Variants in TAF4B observed in about 807,000 individuals in gnomAD.
TAF4B encodes transcription initiation factor TFIID subunit 4B.
In TAF4B, 38 loss-of-function variants were observed where a neutral mutation model predicts 86.4. The ratio of observed to expected loss-of-function variants is 0.44; its 90% CI spans 0.34 to 0.58. The LOEUF (loss-of-function observed/expected upper bound fraction) is 0.58. Among genes scored for constraint, TAF4B ranks in the 20% least tolerant of loss-of-function variants. The pLI is 0.02. For synonymous variants in TAF4B, 388 were observed against 391.2 expected (o/e 0.99, Z 0.10); for missense variants, 988 against 1,027.6 (o/e 0.96, Z 0.53).
intron 9 of TAF4B, among the ~76,000 whole-genome samples, chr18:26,309,607 T>G (rs992978003): frequency 1.3e-5 from 2 of 152,150 alleles, no homozygotes; most frequent in Non-Finnish European, 1.5e-5. Flanking sequence ...AATTTTGATA[T>G]GTTAATTTTT....
intron 1 of TAF4B, among the ~76,000 whole-genome samples, chr18:26,229,556 G>C (rs1243263087): frequency 6.9e-6 from 1 of 145,426 alleles, no homozygotes; most frequent in Middle Eastern, 3.6e-3. Flanking sequence ...AGGCTGGGGT[G>C]CAGTGGCATA....
intron 1 of TAF4B, among the ~76,000 whole-genome samples, chr18:26,262,161 T>C (rs777142509): frequency 3.3e-5 from 5 of 150,070 alleles, no homozygotes; most frequent in Non-Finnish European, 7.4e-5. Flanking sequence ...AACCCTAAGA[T>C]GCACCTGTCT....
At chr18:26,308,223 C>T (rs2056816429) in intron 9 of TAF4B, among the ~76,000 whole-genome samples, 2 of 152,092 alleles carry the variant, frequency 1.3e-5, no homozygotes, top group African/African-American at 4.8e-5. Context: ...CGCTGCACTC[C>T]AGCCTGGGTG....
At chr18:26,287,550 GT>G (rs1195065667) in intron 7 of TAF4B, among the ~76,000 whole-genome samples, 1 of 152,172 alleles carries the variant, frequency 6.6e-6, no homozygotes, top group Admixed American at 6.5e-5. Flanking sequence ...TGAAAGTATT[GT>G]TAACTCATGG....
At chr18:26,289,442 T>A (rs1039173476) in intron 7 of TAF4B, among the ~76,000 whole-genome samples, 3 of 152,230 alleles carry the variant, frequency 2.0e-5, no homozygotes, top group African/African-American at 7.2e-5. Context: ...TCCTTTTTAA[T>A]GTTTATTTCT....
intron 1 of TAF4B, among the ~76,000 whole-genome samples, chr18:26,229,115 C>T (rs1275956459): frequency 6.6e-6 from 1 of 152,050 alleles, no homozygotes; most frequent in African/African-American, 2.4e-5. Flanking sequence ...ACTTTAGATT[C>T]CAGTCTTTTA....
At chr18:26,362,606 C>A (rs1235538848) in intron 14 of TAF4B, among the ~76,000 whole-genome samples, 1 of 152,040 alleles carries the variant, frequency 6.6e-6, no homozygotes, top group Non-Finnish European at 1.5e-5. Context: ...ATGATAAAAA[C>A]CATTATGTGA....
At position 26,346,907 on chromosome 18, in the gene TAF4B, G is replaced by GTA. The variant is rs61248095; in HGVS notation, c.2317-10768_2317-10767dup. On this transcript the variant is annotated intron_variant, in intron 13 of 14. Coordinates refer to ENST00000269142, the MANE Select transcript of TAF4B (RefSeq NM_005640.3). ...TATATATATATATATATATGTGTGTGTATATATATATATATAGTTTTTTGT... is the reference window on the plus strand; with the variant it reads ...TATATATATATATATATATGTGTGTGTATATATATATATATATAGTTTTTTGT... Among the ~76,000 whole-genome samples the GTA allele has an allele frequency of 5.3e-4, 6 of 11,220 alleles. 1 individual carries two copies. The highest frequency in any genetic ancestry group is 1.3e-3 in the Non-Finnish European group (5 of 3,904). 7.4% of individuals were successfully genotyped at this position (11,220 alleles called of 152,430 possible).
Position 26,274,680 on chromosome 18 carries a change from C to T in TAF4B, c.615C>T (p.Thr205=). ...AATTTCAGTCTGTGGCTGTGCCAAC[C>T]AGTGTCGTCACAGTTACTCCTGGAA... ...PSSVQSVAVP[T]SVVTVTPGKP... Residue 205 remains threonine (T), a synonymous_variant, in exon 4 of 15, where the codon ACC becomes ACT. Coordinates refer to ENST00000269142, the MANE Select transcript of TAF4B (RefSeq NM_005640.3). The T allele has an allele frequency of 6.2e-7, 1 of 1,614,110 alleles. No individual in the cohort carries two copies. The highest frequency in any genetic ancestry group is 1.3e-5 in the African/African-American group (1 of 75,042).
intron 1 of TAF4B, among the ~76,000 whole-genome samples, chr18:26,257,842 CGTGTGT>C (rs57275139): frequency 0.05 from 7,059 of 141,458 alleles, 258 homozygotes; most frequent in African/African-American, 0.099. Context: ...CCTCTGCGTG[CGTGTGT>C]GTGTGTGTGT....
Position 26,252,943 on chromosome 18 carries a change from C to T in TAF4B, c.344-12227C>T, listed in dbSNP as rs115589568. On this transcript the variant is annotated intron_variant, in intron 1 of 14. Coordinates refer to ENST00000269142, the MANE Select transcript of TAF4B (RefSeq NM_005640.3). Reference sequence around the variant, plus strand: ...AAAAAACATAATATGTGGGGTTCAGCACTGTCTGAGGTTTTAGGCATCCAC... The same window carrying T: ...AAAAAACATAATATGTGGGGTTCAGTACTGTCTGAGGTTTTAGGCATCCAC... 9.7e-3 allele frequency among the ~76,000 whole-genome samples: 1,473 copies of T among 151,976 alleles called. 12 individuals carry two copies. Among genetic ancestry groups the T allele is most frequent in the African/African-American group, 0.033 (1,368 of 41,454 alleles).
chr18:26,296,755 C>G (rs1349106808), intron 9 of TAF4B, among the ~76,000 whole-genome samples: 1 of 152,168 alleles, frequency 6.6e-6, no homozygotes, highest in Non-Finnish European at 1.5e-5. Context: ...TTCTGCACAA[C>G]CATTGATCTG....
At chr18:26,236,412 T>TA (rs2055748955) in intron 1 of TAF4B, among the ~76,000 whole-genome samples, 3 of 152,106 alleles carry the variant, frequency 2.0e-5, no homozygotes, top group Non-Finnish European at 4.4e-5. Context: ...TGGTTAAACT[T>TA]ACCTGGGGCT....
chr18:26,259,033 G>GT (rs1441307209), intron 1 of TAF4B, among the ~76,000 whole-genome samples: 1 of 151,526 alleles, frequency 6.6e-6, no homozygotes, highest in Non-Finnish European at 1.5e-5. Context: ...TTTTTTCTTT[G>GT]TTTTTGAACA....
intron 3 of TAF4B, among the ~76,000 whole-genome samples, chr18:26,270,067 A>C (rs1475449147): frequency 6.6e-6 from 1 of 152,220 alleles, no homozygotes; most frequent in Non-Finnish European, 1.5e-5. Flanking sequence ...TTGAGTACAT[A>C]AATAACACCA....
chr18:26,257,767 T>C (rs1598732323), intron 1 of TAF4B, among the ~76,000 whole-genome samples: 1 of 152,138 alleles, frequency 6.6e-6, no homozygotes, highest in Admixed American at 6.6e-5. Flanking sequence ...CTCCTTCATG[T>C]GTATATTAAC....
chr18:26,375,677 A>T (rs1185132626), intron 14 of TAF4B, among the ~76,000 whole-genome samples: 1 of 152,172 alleles, frequency 6.6e-6, no homozygotes, highest in Non-Finnish European at 1.5e-5. Context: ...GCATCTTTTC[A>T]TGTGCTTGTA....
chr18:26,341,085 A>G (rs556443311), intron 13 of TAF4B, among the ~76,000 whole-genome samples: 48 of 145,872 alleles, frequency 3.3e-4, no homozygotes, highest in African/African-American at 1.1e-3. Context: ...CTCTTAGTAG[A>G]AAGATGCCTG....
At chr18:26,305,470 C>T (rs994426333) in intron 9 of TAF4B, among the ~76,000 whole-genome samples, 3 of 152,122 alleles carry the variant, frequency 2.0e-5, no homozygotes, top group African/African-American at 4.8e-5. Context: ...TGCAGTGGTG[C>T]GATCTCAGCT....
Sources: gnomAD v4.1 joint callset for allele counts (sites outside exome capture counted in the v4.1 genomes callset) on GRCh38, gnomAD v4.1.1 for gene constraint, MANE v1.5 for transcripts, NCBI Gene and HGNC (gene_info 2026-07-23, HGNC 2026-07-21) for gene names.